Variants in DMD observed in about 807,000 individuals in gnomAD.
DMD encodes mutant dystrophin.
DMD carries 63 observed loss-of-function variants against 330.1 expected under a neutral mutation model. The observed-to-expected ratio is 0.19, with a 90% CI of 0.16 to 0.24. DMD has a LOEUF of 0.24. Among genes scored for constraint, DMD ranks in the 10% least tolerant of loss-of-function variants. The pLI is 1.00. For synonymous variants in DMD, 1,223 were observed against 959.8 expected (o/e 1.27, Z -5.07); for missense variants, 3,344 against 2,684.1 (o/e 1.25, Z -5.43).
At position 32,823,376 on chromosome X, in the gene DMD, C is replaced by T. The variant is rs398123906; in HGVS notation, c.276G>A (p.Val92=). The change falls in exon 5 of 79, where the codon GTG becomes GTA. Residue 92 remains valine, a synonymous_variant. Transcript: ENST00000357033. ...CTACGATGTCAGTACTTCCAATATT[C>T]ACTAAATCAACCTGTTAAAGAAAGG... ...RVLQNNNVDL[V]NIGSTDIVDG... The T allele has an allele frequency of 1.7e-6, 2 of 1,201,399 alleles. No individual in the cohort carries two copies. Among genetic ancestry groups the T allele is most frequent in the Non-Finnish European group, 2.3e-6 (2 of 886,673 alleles).
chrX:32,369,536 C>T (rs896936633), intron 34 of DMD, among the ~76,000 whole-genome samples: 8 of 111,103 alleles, frequency 7.2e-5, no homozygotes, highest in South Asian at 3.8e-4. Context: ...AATGGTAGAA[C>T]GGTAAAAATT....
At chrX:32,724,195 T>A (rs1468238092) in intron 7 of DMD, among the ~76,000 whole-genome samples, 1 of 111,927 alleles carries the variant, frequency 8.9e-6, no homozygotes, top group Non-Finnish European at 1.9e-5. Flanking sequence ...CAATTAAGAA[T>A]TGTGCATTTA....
intron 1 of DMD, among the ~76,000 whole-genome samples, chrX:33,189,770 T>C (rs1398778141): frequency 1.8e-5 from 2 of 111,473 alleles, no homozygotes; most frequent in Admixed American, 9.6e-5. Context: ...CATTAGTCTC[T>C]AGCAGGAAAA....
At chrX:32,160,697 T>A (rs1328684116) in intron 44 of DMD, among the ~76,000 whole-genome samples, 2 of 109,790 alleles carry the variant, frequency 1.8e-5, no homozygotes, top group South Asian at 3.8e-4. Context: ...ATCAGGCTGT[T>A]GGCTCAAACA....
rs1204602087 is a variant in DMD at position 32,812,084 on chromosome X, C to A, written c.531-2473G>T. 5.4e-5 allele frequency among the ~76,000 whole-genome samples: 6 copies of A among 111,087 alleles called. No individual in the cohort carries two copies. In the East Asian group the frequency reaches 1.7e-3, roughly 32 times the overall value. On this transcript the variant is annotated intron_variant, in intron 6 of 78. Transcript: ENST00000357033. ...AATTTATCCCAACAGCACTGGAAGT[C>A]ATTAGTCAAGTGGTTCTTCACCTAT...
chrX:32,976,008 G>A (rs984204175), intron 2 of DMD, among the ~76,000 whole-genome samples: 6 of 111,618 alleles, frequency 5.4e-5, no homozygotes, highest in African/African-American at 1.6e-4. Context: ...ATCATTTGAG[G>A]TCAGAAGTTT....
intron 4 of DMD, among the ~76,000 whole-genome samples, chrX:32,832,336 G>T (rs933613727): frequency 4.5e-5 from 5 of 111,082 alleles, no homozygotes; most frequent in Admixed American, 2.9e-4. Context: ...ATAACTAAAA[G>T]GGAAATCCCA....
intron 9 of DMD, among the ~76,000 whole-genome samples, chrX:32,665,344 A>C (rs1269376346): frequency 9.0e-6 from 1 of 111,659 alleles, no homozygotes; most frequent in Admixed American, 9.5e-5. Context: ...TTCTCGTCTG[A>C]AAATGGGAAT....
chrX:32,809,630 CACACAT>C lies in DMD; in HGVS notation c.531-25_531-20del, dbSNP rs1196314638. 1.8e-6 allele frequency: 2 copies of C among 1,115,413 alleles called. No individual in the cohort carries two copies. Among genetic ancestry groups the C allele is most frequent in the African/African-American group, 3.6e-5 (2 of 55,178 alleles). 91.9% of individuals were successfully genotyped at this position (1,115,413 alleles called of 1,213,427 possible). On this transcript the variant is annotated intron_variant, in intron 6 of 78. Coordinates refer to ENST00000357033, the MANE Select transcript of DMD (RefSeq NM_004006.3). ...GTCTGGCCTAAAACACATACACATA[CACACAT>C]ACACAAAGACAAATATAAATCAATC... is the stretch of plus-strand genomic sequence containing the variant.
At chrX:33,008,860 A>ACG in intron 2 of DMD, among the ~76,000 whole-genome samples, 1 of 96,495 alleles carries the variant, frequency 1.0e-5, no homozygotes, top group Non-Finnish European at 2.1e-5. Flanking sequence ...ATACGTGTAT[A>ACG]TATACACATA....
At chrX:32,687,930 T>G (rs779257081) in intron 9 of DMD, among the ~76,000 whole-genome samples, 1 of 111,220 alleles carries the variant, frequency 9.0e-6, no homozygotes, top group East Asian at 2.8e-4. Context: ...CACGAATTCT[T>G]ACTTCCATAA....
chrX:32,057,567 G>T lies in DMD; in HGVS notation c.6439-89053C>A, dbSNP rs1169253608. Among the ~76,000 whole-genome samples the T allele has an allele frequency of 3.6e-5, 4 of 111,456 alleles. No homozygotes were observed. The South Asian group carries it at 1.5e-3, about 41-fold the overall frequency. The stretch of plus-strand genomic sequence containing the variant: ...TAAATACCCAACCAAGAAGGTAAAA[G>T]ATGTGTGTGCTGAAAGCTATGAAAT... On this transcript the variant is annotated intron_variant, in intron 44 of 78. Transcript: ENST00000357033.
intron 53 of DMD, among the ~76,000 whole-genome samples, chrX:31,677,359 T>C (rs1359793957): frequency 1.8e-5 from 2 of 111,818 alleles, no homozygotes; most frequent in Non-Finnish European, 3.8e-5. Flanking sequence ...TCTATCACTG[T>C]ATGCCTCTCA....
intron 2 of DMD, among the ~76,000 whole-genome samples, chrX:32,927,041 T>C (rs1224767999): frequency 1.8e-5 from 2 of 111,694 alleles, no homozygotes; most frequent in African/African-American, 6.5e-5. Flanking sequence ...GCTTAGCAAA[T>C]CGTAGCTGTA....
chrX:31,961,776 T>G (rs1360990713), intron 45 of DMD, among the ~76,000 whole-genome samples: 10 of 48,179 alleles, frequency 2.1e-4, no homozygotes, highest in African/African-American at 4.0e-4. Flanking sequence ...TTGTTCTTTG[T>G]TTTTTTTTTT....
intron 2 of DMD, among the ~76,000 whole-genome samples, chrX:32,963,502 C>G (rs1002084654): frequency 1.8e-5 from 2 of 111,915 alleles, no homozygotes; most frequent in East Asian, 5.6e-4. Flanking sequence ...GAGGTCTAAT[C>G]TCTCATCTTT....
intron 1 of DMD, among the ~76,000 whole-genome samples, chrX:33,130,649 G>A (rs961745273): frequency 1.8e-5 from 2 of 109,366 alleles, no homozygotes; most frequent in South Asian, 8.0e-4. Context: ...CTGCCTCCCG[G>A]GTTCAAGCGA....
At chrX:32,915,798 T>G (rs770912360) in intron 2 of DMD, among the ~76,000 whole-genome samples, 13 of 111,907 alleles carry the variant, frequency 1.2e-4, no homozygotes, top group African/African-American at 4.2e-4. Flanking sequence ...ATTCATGTAT[T>G]AAAAACTGAG....
chrX:32,723,050 T>C (rs923792173), intron 7 of DMD, among the ~76,000 whole-genome samples: 4 of 111,183 alleles, frequency 3.6e-5, no homozygotes, highest in African/African-American at 1.3e-4. Flanking sequence ...ACAACCACCG[T>C]TGATCATATT....
Sources: allele counts gnomAD v4.1 joint callset (sites outside exome capture counted in the v4.1 genomes callset), GRCh38; gene constraint gnomAD v4.1.1; transcripts MANE v1.5; gene names NCBI Gene and HGNC (gene_info 2026-07-23, HGNC 2026-07-21).